GALNT18: variants seen among roughly 807,000 people sequenced by gnomAD.
The protein encoded by GALNT18 is polypeptide N-acetylgalactosaminyltransferase 18.
GALNT18 carries 44 observed loss-of-function variants against 69.5 expected under a neutral mutation model. The ratio of observed to expected loss-of-function variants is 0.63; its 90% CI spans 0.50 to 0.81. The LOEUF (loss-of-function observed/expected upper bound fraction) is 0.81, where lower values mean the gene tolerates loss of function less well. Ranked by LOEUF, GALNT18 falls within the 40% of genes least tolerant of loss-of-function variation. The pLI is 0.00. For missense variants in GALNT18, 715 were observed against 810.0 expected, an observed-to-expected ratio of 0.88 and a Z score of 1.42; for synonymous variants, 364 against 318.2, an observed-to-expected ratio of 1.14 and a Z score of -1.53.
intron 3 of GALNT18, among the ~76,000 whole-genome samples, chr11:11,424,321 G>C (rs892462243): frequency 2.6e-5 from 4 of 152,184 alleles, no homozygotes; most frequent in African/African-American, 9.7e-5. Flanking sequence ...TGCCTCCCAG[G>C]CTTCCAGGAG....
chr11:11,292,019 C>G (rs1849309035), intron 10 of GALNT18, among the ~76,000 whole-genome samples: 2 of 152,128 alleles, frequency 1.3e-5, no homozygotes, highest in African/African-American at 2.4e-5. Context: ...CCTTGCAGTG[C>G]CCCCAGCAGC....
intron 1 of GALNT18, among the ~76,000 whole-genome samples, chr11:11,558,076 A>T (rs188422938): frequency 6.6e-6 from 1 of 152,162 alleles, no homozygotes; most frequent in East Asian, 1.9e-4. Flanking sequence ...GTCAGGGCCA[A>T]CCTTCCTGGA....
In GALNT18 at chr11:11,538,744, G is replaced by A. The variant is rs1204278409; in HGVS notation, c.235+82615C>T. ...CTGGGCCTTTGGAAGGATTAAGTGAGGCGCCATCTGGGAAGCACCTGGCCC... is the reference window on the plus strand; with the variant it reads ...CTGGGCCTTTGGAAGGATTAAGTGAAGCGCCATCTGGGAAGCACCTGGCCC... On this transcript the variant is annotated intron_variant, in intron 1 of 10. Transcript: ENST00000227756. The surrounding 1 kb of genome is among the most constrained non-coding windows in gnomAD (Gnocchi z 5.2). Among the ~76,000 whole-genome samples, 2 of 152,138 alleles carry A rather than the reference G, an allele frequency of 1.3e-5. No individual in the cohort carries two copies. Among genetic ancestry groups the A allele is most frequent in the African/African-American group, 4.8e-5 (2 of 41,434 alleles).
At chr11:11,475,306 G>A (rs1856365538) in intron 1 of GALNT18, 1 of 152,152 alleles carries the variant, frequency 6.6e-6, no homozygotes, top group Admixed American at 6.5e-5. Flanking sequence ...TATTTCTAGA[G>A]GCTGTTAACA....
At chr11:11,594,816 C>CATAT (rs1206038267) in intron 1 of GALNT18, among the ~76,000 whole-genome samples, 2,054 of 121,414 alleles carry the variant, frequency 0.017, 16 homozygotes, top group African/African-American at 0.029. Context: ...TTATCTTGGG[C>CATAT]ATATATATAT....
At chr11:11,277,793 C>T (rs1410636910) in intron 10 of GALNT18, among the ~76,000 whole-genome samples, 4 of 152,170 alleles carry the variant, frequency 2.6e-5, no homozygotes, top group Non-Finnish European at 5.9e-5. Context: ...TGTTCAGTTT[C>T]CATGTAATTG....
chr11:11,452,920 C>T (rs913628328), intron 1 of GALNT18, among the ~76,000 whole-genome samples: 3 of 152,128 alleles, frequency 2.0e-5, no homozygotes, highest in African/African-American at 4.8e-5. Flanking sequence ...AGGGCCCATT[C>T]GAGGCAGAGA....
chr11:11,474,089 C>T (rs1348966607), intron 1 of GALNT18, among the ~76,000 whole-genome samples: 10 of 151,986 alleles, frequency 6.6e-5, no homozygotes, highest in Admixed American at 3.3e-4. Context: ...ACAACAAAAC[C>T]GATGTTAATA....
rs1205775771 is a variant in GALNT18, at chr11:11,538,506, C to G, written c.235+82853G>C. Among the ~76,000 whole-genome samples, 1 of 152,218 alleles carries G rather than the reference C, an allele frequency of 6.6e-6. No homozygotes were observed. Among genetic ancestry groups the G allele is most frequent in the Non-Finnish European group, 1.5e-5 (1 of 68,052 alleles). On this transcript the variant is annotated intron_variant, in intron 1 of 10. Coordinates refer to ENST00000227756, the MANE Select transcript of GALNT18 (RefSeq NM_198516.3). This position sits in a 1 kb window ranked among gnomAD's most constrained non-coding sequence, Gnocchi z 5.2. ...GGAGAGACCAGCATACCACAAGCAC[C>G]CTGTGGCCTCAGCAACTAGTGTGAA...
At position 11,601,419 on chromosome 11, in the gene GALNT18, C is replaced by T. The variant is rs1859632450; in HGVS notation, c.235+19940G>A. Among the ~76,000 whole-genome samples the T allele has an allele frequency of 6.6e-6, 1 of 152,138 alleles. No homozygotes were observed. Among genetic ancestry groups the T allele is most frequent in the Non-Finnish European group, 1.5e-5 (1 of 68,010 alleles). On this transcript the variant is annotated intron_variant, in intron 1 of 10. Transcript: ENST00000227756. The surrounding 1 kb of genome is among the most constrained non-coding windows in gnomAD (Gnocchi z 4.0). ...GTGTCCTGATTCTCCCTATCGAACCCCCTAGGATGACAGTGATTTTAGCAG... is the reference window on the plus strand; with the variant it reads ...GTGTCCTGATTCTCCCTATCGAACCTCCTAGGATGACAGTGATTTTAGCAG...
intron 9 of GALNT18, among the ~76,000 whole-genome samples, chr11:11,324,101 A>G (rs1488721334): frequency 6.6e-6 from 1 of 152,176 alleles, no homozygotes; most frequent in Non-Finnish European, 1.5e-5. Flanking sequence ...TCTTCAAGAC[A>G]AGAAAGGAGC....
chr11:11,359,503 C>A (rs879845378), intron 6 of GALNT18, among the ~76,000 whole-genome samples: 1 of 152,202 alleles, frequency 6.6e-6, no homozygotes, highest in Non-Finnish European at 1.5e-5. Flanking sequence ...GACTTCCTCT[C>A]TTTTCTGGCT....
At chr11:11,537,365 G>A (rs1354276490) in intron 1 of GALNT18, among the ~76,000 whole-genome samples, 1 of 151,936 alleles carries the variant, frequency 6.6e-6, no homozygotes, top group Non-Finnish European at 1.5e-5. Context: ...ACAAGTCAGG[G>A]AAAAAAAAAT....
At chr11:11,324,076 G>A (rs1849878627) in intron 9 of GALNT18, among the ~76,000 whole-genome samples, 3 of 152,164 alleles carry the variant, frequency 2.0e-5, no homozygotes, top group Admixed American at 2.0e-4. Context: ...TGAGGACACA[G>A]CAAGAAGGTG....
chr11:11,351,586 A>G (rs569757490), intron 6 of GALNT18, among the ~76,000 whole-genome samples: 1 of 152,290 alleles, frequency 6.6e-6, no homozygotes, highest in African/African-American at 2.4e-5. Flanking sequence ...AGAAGCCCCA[A>G]ACTCAGAGAC....
intron 1 of GALNT18, among the ~76,000 whole-genome samples, chr11:11,490,234 A>AAC (rs61477736): frequency 0.22 from 27,315 of 124,664 alleles, 2,507 homozygotes; most frequent in East Asian, 0.5. Flanking sequence ...CTCTCTCTCT[A>AAC]ACACACACAC....
chr11:11,423,657 A>T (rs1855062821), intron 3 of GALNT18, among the ~76,000 whole-genome samples: 1 of 152,206 alleles, frequency 6.6e-6, no homozygotes, highest in Admixed American at 6.5e-5. Flanking sequence ...GAGGGAATGG[A>T]GAAAAGGGAT....
At chr11:11,414,011 C>A (rs55633020) in intron 3 of GALNT18, among the ~76,000 whole-genome samples, 2,520 of 152,246 alleles carry the variant, frequency 0.017, 63 homozygotes, top group African/African-American at 0.058. Context: ...TGTCCTTCAC[C>A]CCGTCACTCA....
At chr11:11,472,970 T>C (rs181598070) in intron 1 of GALNT18, among the ~76,000 whole-genome samples, 69 of 152,022 alleles carry the variant, frequency 4.5e-4, no homozygotes, top group African/African-American at 1.6e-3. Flanking sequence ...CCAGCCTGGA[T>C]GAAAGAGTGA....
Sources: allele counts gnomAD v4.1 joint callset (sites outside exome capture counted in the v4.1 genomes callset), GRCh38; gene constraint gnomAD v4.1.1; non-coding constraint Gnocchi (gnomAD v3.1); transcripts MANE v1.5; gene names NCBI Gene and HGNC (gene_info 2026-07-23, HGNC 2026-07-21).